CCDC170: variants seen among roughly 807,000 people sequenced by gnomAD.
The protein encoded by CCDC170 is coiled-coil domain-containing protein 170.
Under a neutral mutation model 72.6 loss-of-function variants are expected in CCDC170, and 69 were observed. The observed-to-expected ratio is 0.95, with a 90% CI of 0.78 to 1.16. The LOEUF (loss-of-function observed/expected upper bound fraction) is 1.16, where lower values mean the gene tolerates loss of function less well. Among genes scored for constraint, CCDC170 ranks in the 50% most tolerant of loss-of-function variants. The pLI, the probability that CCDC170 is intolerant of heterozygous loss-of-function variation, is 0.00. For missense variants in CCDC170, 852 were observed against 832.5 expected (o/e 1.02, Z -0.29); for synonymous variants, 300 against 303.9 (o/e 0.99, Z 0.13).
At chr6:151,520,014 A>T (rs114291748) in intron 1 of CCDC170, among the ~76,000 whole-genome samples, 1,597 of 152,268 alleles carry the variant, frequency 0.01, 26 homozygotes, top group African/African-American at 0.037. Context: ...TCATCCTGTG[A>T]TAAAGAATGC....
At chr6:151,598,653 A>T (rs1016883412) in intron 9 of CCDC170, among the ~76,000 whole-genome samples, 28 of 152,322 alleles carry the variant, frequency 1.8e-4, no homozygotes, top group African/African-American at 6.7e-4. Context: ...TTCTAAAATC[A>T]CAAGGACTTT....
At chr6:151,616,304 G>A (rs182689232) in intron 10 of CCDC170, among the ~76,000 whole-genome samples, 438 of 152,234 alleles carry the variant, frequency 2.9e-3, no homozygotes, top group Non-Finnish European at 4.9e-3. Context: ...GTACTCATTT[G>A]CTTGCTGGCT....
chr6:151,576,713 T>C (rs1371579485), intron 6 of CCDC170, among the ~76,000 whole-genome samples: 3 of 152,174 alleles, frequency 2.0e-5, no homozygotes, highest in Admixed American at 2.0e-4. Flanking sequence ...CTTGTGTGAC[T>C]CATCTTCACG....
intron 1 of CCDC170, among the ~76,000 whole-genome samples, chr6:151,533,232 T>A (rs1562273628): frequency 6.6e-6 from 1 of 151,646 alleles, no homozygotes; most frequent in Non-Finnish European, 1.5e-5. Flanking sequence ...TTTTTTTTAT[T>A]TTTAGTAGAG....
At chr6:151,518,846 G>T (rs927053958) in intron 1 of CCDC170, among the ~76,000 whole-genome samples, 4 of 152,092 alleles carry the variant, frequency 2.6e-5, no homozygotes, top group African/African-American at 9.7e-5. Context: ...AAGGGGAAGG[G>T]GTGTACAAAC....
chr6:151,525,320 C>G (rs1376751331), intron 1 of CCDC170, among the ~76,000 whole-genome samples: 2 of 152,136 alleles, frequency 1.3e-5, no homozygotes, highest in Non-Finnish European at 2.9e-5. Flanking sequence ...CCATCATATC[C>G]CCTGTGACCT....
At chr6:151,568,105 GA>G (rs771627857) in intron 5 of CCDC170, among the ~76,000 whole-genome samples, 1,087 of 38,198 alleles carry the variant, frequency 0.028, 2 homozygotes, top group Admixed American at 0.041. Context: ...GTGAGACTCT[GA>G]AAAAAAAAAA....
At chr6:151,501,261 G>A (rs1239891479) in intron 1 of CCDC170, among the ~76,000 whole-genome samples, 1 of 151,978 alleles carries the variant, frequency 6.6e-6, no homozygotes, top group Non-Finnish European at 1.5e-5. Flanking sequence ...TCAGGATTTG[G>A]GGAGACTAAG....
rs71887705 is a variant in CCDC170, at chr6:151,500,215, G to GTT, written c.57+6043_57+6044dup. Among the ~76,000 whole-genome samples the GTT allele has an allele frequency of 2.7e-3, 357 of 134,206 alleles. 4 individuals are homozygous for GTT. Among genetic ancestry groups the GTT allele is most frequent in the African/African-American group, 8.1e-3 (305 of 37,466 alleles). The allele number at this position is 134,206 out of a possible 152,430, so 88.0% of individuals were successfully genotyped here. A position where few individuals can be genotyped will look rare whatever the true frequency, so the allele number is the denominator to read the frequency against. On this transcript the variant is annotated intron_variant, in intron 1 of 10. Transcript: ENST00000239374. ...TTTCCTCCCTCTTCTGGTTTGCTCT[G>GTT]TTTTTTTTTTTTTTGTTCTACTCCT...
chr6:151,565,352 G>A lies in CCDC170; in HGVS notation c.775-7822G>A, dbSNP rs114795163. On this transcript the variant is annotated intron_variant, in intron 5 of 10. Transcript: ENST00000239374. ...GTGCGGTCTGCAGACAGCTCCCTAT[G>A]TTGGTCTCTGGGCCTGTGAGGGGCT... 7.8e-3 allele frequency among the ~76,000 whole-genome samples: 1,187 copies of A among 152,286 alleles called. 18 individuals carry two copies. The highest frequency in any genetic ancestry group is 0.027 in the African/African-American group (1,138 of 41,560).
At chr6:151,568,617 G>A (rs1776173344) in intron 5 of CCDC170, among the ~76,000 whole-genome samples, 2 of 152,136 alleles carry the variant, frequency 1.3e-5, no homozygotes, top group African/African-American at 4.8e-5. Context: ...AGTTGCTTGT[G>A]CATGTTTCTA....
chr6:151,526,931 G>A (rs35324372), intron 1 of CCDC170, among the ~76,000 whole-genome samples: 23,577 of 151,374 alleles, frequency 0.16, 2,286 homozygotes, highest in East Asian at 0.49. Flanking sequence ...TGTCACCCAC[G>A]CTGGATTGCA....
Position 151,555,985 on chromosome 6 carries a change from C to G in CCDC170, c.774+7496C>G, listed in dbSNP as rs151317070. On this transcript the variant is annotated intron_variant, in intron 5 of 10. Transcript: ENST00000239374. Reference sequence around the variant, plus strand: ...GCTGGATTGGGGATGGTGGCGTATGCCTGTAATGTCAACACTTTGGGAGGC... The same window carrying G: ...GCTGGATTGGGGATGGTGGCGTATGGCTGTAATGTCAACACTTTGGGAGGC... Among the ~76,000 whole-genome samples the G allele has an allele frequency of 7.2e-3, 1,093 of 152,276 alleles. 10 individuals carry two copies. The highest frequency in any genetic ancestry group is 0.025 in the African/African-American group (1,028 of 41,546).
chr6:151,526,519 CT>C (rs577450833), intron 1 of CCDC170, among the ~76,000 whole-genome samples: 1,657 of 131,578 alleles, frequency 0.013, 9 homozygotes, highest in Middle Eastern at 0.048. Flanking sequence ...CCCGCCTGGC[CT>C]TTTTTTTTTT....
chr6:151,595,341 T>C (rs1318485042), intron 8 of CCDC170, among the ~76,000 whole-genome samples: 1 of 152,180 alleles, frequency 6.6e-6, no homozygotes, highest in Non-Finnish European at 1.5e-5. Flanking sequence ...TGGTTACCAA[T>C]GATAAATGAT....
chr6:151,591,462 A>AT (rs1554225562), intron 7 of CCDC170, among the ~76,000 whole-genome samples: 3 of 151,562 alleles, frequency 2.0e-5, no homozygotes, highest in Non-Finnish European at 2.9e-5. Flanking sequence ...GCGCTGTTTT[A>AT]GGGGGGAGGT....
At chr6:151,563,385 C>T (rs544379286) in intron 5 of CCDC170, among the ~76,000 whole-genome samples, 2 of 152,290 alleles carry the variant, frequency 1.3e-5, no homozygotes, top group African/African-American at 4.8e-5. Flanking sequence ...ATCTGTGTTT[C>T]CTTTGTCCCA....
chr6:151,581,981 C>G (rs1776384417), intron 6 of CCDC170, among the ~76,000 whole-genome samples: 1 of 152,200 alleles, frequency 6.6e-6, no homozygotes, highest in Non-Finnish European at 1.5e-5. Context: ...TGTTCCATTT[C>G]TAGAGCACAG....
intron 9 of CCDC170, among the ~76,000 whole-genome samples, chr6:151,609,742 TG>T (rs1776840990): frequency 6.6e-6 from 1 of 152,204 alleles, no homozygotes; most frequent in Non-Finnish European, 1.5e-5. Context: ...AGGAATCTGT[TG>T]CTGGGTTTGA....
Sources: allele counts gnomAD v4.1 joint callset (sites outside exome capture counted in the v4.1 genomes callset), GRCh38; gene constraint gnomAD v4.1.1; transcripts MANE v1.5; gene names NCBI Gene and HGNC (gene_info 2026-07-23, HGNC 2026-07-21).